The following MBNL3 variants were observed in gnomAD, a reference collection of about 807,000 sequenced individuals.
MBNL3 encodes muscleblind like splicing regulator 3.
Under a neutral mutation model 24.5 loss-of-function variants are expected in MBNL3, and 6 were observed. That is an observed-to-expected ratio of 0.25 (90% CI 0.13 to 0.48). The LOEUF (loss-of-function observed/expected upper bound fraction) is 0.48, where lower values mean the gene tolerates loss of function less well. MBNL3 is among the 20% of genes least tolerant of loss of function. The pLI is 0.99. For synonymous variants in MBNL3, 100 were observed against 101.7 expected (o/e 0.98, Z 0.10); for missense variants, 230 against 293.5 (o/e 0.78, Z 1.58).
At chrX:132,466,463 A>G (rs1397710353) in intron 1 of MBNL3, among the ~76,000 whole-genome samples, 1 of 112,525 alleles carries the variant, frequency 8.9e-6, no homozygotes, top group Non-Finnish European at 1.9e-5. Context: ...GCAAAGTCAC[A>G]TTCAATCAAA....
chrX:132,416,080 T>G, intron 2 of MBNL3, among the ~76,000 whole-genome samples: 1 of 111,404 alleles, frequency 9.0e-6, no homozygotes, highest in Non-Finnish European at 1.9e-5. Context: ...AGGAAAACAG[T>G]ATTTCAAAGA....
At chrX:132,445,911 C>T (rs1033458513) in intron 1 of MBNL3, among the ~76,000 whole-genome samples, 3 of 111,406 alleles carry the variant, frequency 2.7e-5, no homozygotes, top group Non-Finnish European at 5.7e-5. Flanking sequence ...CCATCATCTA[C>T]ATTAGGTATT....
In MBNL3 at chrX:132,375,035, T is replaced by C; in HGVS notation, c.*4631A>G. ...GCCTGATTCTAGAATCCATGTGTTATAAACTTTTTCACAAAAAGTCACACA... is the reference window on the plus strand; with the variant it reads ...GCCTGATTCTAGAATCCATGTGTTACAAACTTTTTCACAAAAAGTCACACA... On this transcript the variant is annotated 3_prime_UTR_variant, in exon 9 of 9. Coordinates refer to ENST00000370853, the MANE Select transcript of MBNL3 (RefSeq NM_001386889.1). 1 of 111,913 alleles carries C rather than the reference T, an allele frequency of 8.9e-6. No individual in the cohort carries two copies. Among genetic ancestry groups the C allele is most frequent in the Middle Eastern group, 4.6e-3 (1 of 216 alleles). 9.2% of individuals were successfully genotyped at this position (111,913 alleles called of 1,213,427 possible).
intron 2 of MBNL3, among the ~76,000 whole-genome samples, chrX:132,438,311 C>T (rs914516110): frequency 8.9e-6 from 1 of 111,789 alleles, no homozygotes; most frequent in Non-Finnish European, 1.9e-5. Context: ...TCCAAAAAAT[C>T]GAAAACACTT....
chrX:132,425,739 A>T (rs1343677650), intron 2 of MBNL3, among the ~76,000 whole-genome samples: 1 of 111,570 alleles, frequency 9.0e-6, no homozygotes, highest in East Asian at 2.8e-4. Flanking sequence ...CAAACATTTT[A>T]AGACAAAAAA....
intron 1 of MBNL3, among the ~76,000 whole-genome samples, chrX:132,463,332 C>T (rs1010087825): frequency 1.8e-5 from 2 of 111,359 alleles, no homozygotes; most frequent in Non-Finnish European, 3.8e-5. Context: ...CATGGTGGCT[C>T]ACGCCTGTAG....
At chrX:132,418,221 C>G (rs1943472691) in intron 2 of MBNL3, among the ~76,000 whole-genome samples, 1 of 111,880 alleles carries the variant, frequency 8.9e-6, no homozygotes, top group Non-Finnish European at 1.9e-5. Flanking sequence ...GTCATAGAAA[C>G]AAAACTAATT....
chrX:132,457,490 T>G, intron 1 of MBNL3, among the ~76,000 whole-genome samples: 1 of 110,822 alleles, frequency 9.0e-6, no homozygotes, highest in East Asian at 2.8e-4. Flanking sequence ...AATAGTAATT[T>G]AAAGAGGGCA....
At chrX:132,468,307 G>A (rs983656864) in intron 1 of MBNL3, among the ~76,000 whole-genome samples, 10 of 112,030 alleles carry the variant, frequency 8.9e-5, no homozygotes, top group African/African-American at 2.6e-4. Context: ...CTGTGACCAC[G>A]CAAAAGGAGC....
At chrX:132,426,179 C>T (rs1944289669) in intron 2 of MBNL3, among the ~76,000 whole-genome samples, 2 of 112,097 alleles carry the variant, frequency 1.8e-5, no homozygotes, top group African/African-American at 3.2e-5. Flanking sequence ...CAAGCCCTAA[C>T]GTGTACTAGG....
intron 3 of MBNL3, among the ~76,000 whole-genome samples, chrX:132,396,254 C>T (rs1938220246): frequency 9.7e-6 from 1 of 103,428 alleles, no homozygotes; most frequent in Non-Finnish European, 2.0e-5. Flanking sequence ...AGTTCACCGA[C>T]CTTGGTTCTA....
intron 1 of MBNL3, among the ~76,000 whole-genome samples, chrX:132,448,372 G>T (rs1254255746): frequency 1.8e-5 from 2 of 111,536 alleles, no homozygotes; most frequent in Non-Finnish European, 3.8e-5. Flanking sequence ...TTAGTCTTGG[G>T]AGGGTGCATG....
intron 2 of MBNL3, among the ~76,000 whole-genome samples, chrX:132,416,857 T>TA (rs1373188712): frequency 8.9e-6 from 1 of 112,251 alleles, no homozygotes; most frequent in African/African-American, 3.2e-5. Flanking sequence ...GTGATTCTTT[T>TA]AAAAAGCATC....
chrX:132,416,387 A>G (rs982408300), intron 2 of MBNL3, among the ~76,000 whole-genome samples: 1 of 111,293 alleles, frequency 9.0e-6, no homozygotes, highest in Non-Finnish European at 1.9e-5. Context: ...AAACCCACTC[A>G]ACTCATGGAG....
chrX:132,455,214 G>C (rs1243024128), intron 1 of MBNL3, among the ~76,000 whole-genome samples: 6 of 111,729 alleles, frequency 5.4e-5, no homozygotes, highest in African/African-American at 1.9e-4. Flanking sequence ...CCAAAGTAGA[G>C]GGGAGCTGGA....
chrX:132,413,703 A>C, intron 2 of MBNL3: 1 of 794,143 alleles, frequency 1.3e-6, no homozygotes, highest in Non-Finnish European at 1.7e-6. Flanking sequence ...CCACCTTCCC[A>C]CCCACCGGTG....
chrX:132,444,224 A>C (rs186503841), intron 1 of MBNL3, among the ~76,000 whole-genome samples: 10 of 110,470 alleles, frequency 9.1e-5, no homozygotes, highest in African/African-American at 3.0e-4. Context: ...ATAAAGATTA[A>C]ATAGTAATTT....
At chrX:132,451,998 C>T (rs996362270) in intron 1 of MBNL3, among the ~76,000 whole-genome samples, 43 of 111,286 alleles carry the variant, frequency 3.9e-4, no homozygotes, top group African/African-American at 1.3e-3. Context: ...ATGGGCTGCA[C>T]GCACTGTCTA....
chrX:132,396,546 CTATATATTCCTA>C (rs1201757852), intron 3 of MBNL3, among the ~76,000 whole-genome samples: 7,725 of 29,351 alleles, frequency 0.26, 1,629 homozygotes, highest in Non-Finnish European at 0.37. Context: ...ATATATATTC[CTATATATTCCTA>C]TATATATTCC....
Sources: gnomAD v4.1 joint callset for allele counts (sites outside exome capture counted in the v4.1 genomes callset) on GRCh38, gnomAD v4.1.1 for gene constraint, MANE v1.5 for transcripts, NCBI Gene and HGNC (gene_info 2026-07-23, HGNC 2026-07-21) for gene names.